WDFY4: variants seen among roughly 807,000 people sequenced by gnomAD.
The protein encoded by WDFY4 is WD repeat- and FYVE domain-containing protein 4.
In WDFY4, 169 loss-of-function variants were observed where a neutral mutation model predicts 351.9. That is an observed-to-expected ratio of 0.48 (90% confidence interval 0.42 to 0.55). The LOEUF is 0.55. Ranked by LOEUF, WDFY4 falls within the 20% of genes least tolerant of loss-of-function variation. The pLI is 0.00. For synonymous variants in WDFY4, 1,622 were observed against 1,574.6 expected (o/e 1.03, Z -0.71); for missense variants, 3,803 against 3,935.6 (o/e 0.97, Z 0.90).
At chr10:48,744,066 C>T (rs1047048729) in intron 12 of WDFY4, among the ~76,000 whole-genome samples, 1 of 152,204 alleles carries the variant, frequency 6.6e-6, no homozygotes, top group Non-Finnish European at 1.5e-5. Context: ...TCCTTACTTC[C>T]GCAGGCCAAA....
chr10:48,956,005 G>A (rs1841572284), intron 51 of WDFY4, among the ~76,000 whole-genome samples: 1 of 152,202 alleles, frequency 6.6e-6, no homozygotes, highest in African/African-American at 2.4e-5. Context: ...AACTTACTTA[G>A]ACCCAAGGCT....
chr10:48,972,131 C>T (rs1842364637), intron 57 of WDFY4, among the ~76,000 whole-genome samples: 1 of 152,172 alleles, frequency 6.6e-6, no homozygotes, highest in South Asian at 2.1e-4. Flanking sequence ...ATCCCACATG[C>T]TCTTATTTTC....
chr10:48,873,800 T>C (rs775040088), intron 41 of WDFY4, 103 bp downstream of exon 41: 9 of 1,298,396 alleles, frequency 6.9e-6, no homozygotes, highest in Non-Finnish European at 9.5e-6. Context: ...CAGGCTAAGA[T>C]AACACATGCA....
chr10:48,965,207 C>T (rs138775055), intron 54 of WDFY4, among the ~76,000 whole-genome samples: 1 of 152,350 alleles, frequency 6.6e-6, no homozygotes, highest in Non-Finnish European at 1.5e-5. Flanking sequence ...CCCTTGTCCA[C>T]AGCACAGATC....
intron 11 of WDFY4, among the ~76,000 whole-genome samples, chr10:48,738,563 G>A (rs1357199976): frequency 6.6e-6 from 1 of 152,172 alleles, no homozygotes; most frequent in African/African-American, 2.4e-5. Flanking sequence ...TGCTGCTCTA[G>A]GGGGCACTTG....
At chr10:48,693,019 G>A (rs2063236589) in intron 1 of WDFY4, among the ~76,000 whole-genome samples, 1 of 152,228 alleles carries the variant, frequency 6.6e-6, no homozygotes, top group African/African-American at 2.4e-5. Context: ...CCGTGGTGCT[G>A]AAGGGGGAGA....
intron 40 of WDFY4, among the ~76,000 whole-genome samples, chr10:48,868,135 G>A (rs530671973): frequency 6.6e-6 from 1 of 152,304 alleles, no homozygotes; most frequent in East Asian, 1.9e-4. Flanking sequence ...GGAAACAGAA[G>A]AGGCACTAAT....
Position 48,810,715 on chromosome 10 carries a change from A to T in WDFY4, c.5024A>T (p.Glu1675Val), listed in dbSNP as rs536358167. ...CAGSWVERSTEGVDIVMDNLK... is the reference protein window; with the variant it reads ...CAGSWVERSTVGVDIVMDNLK... ...GGATCCTGGGTGGAACGCAGCACTG[A>T]GGGCGTGGATATTGTAATGGGTGAG... Residue 1675 changes from glutamate to valine, a missense_variant, in exon 29 of 62, where the codon GAG (glutamate) becomes GTG (valine). Glu to Val is a moderately radical substitution (Grantham distance 121). Around this residue, in one of 3 missense-constraint regions of WDFY4, gnomAD observed 3,054 missense variants for 3,148.6 expected, o/e 0.97. Transcript: ENST00000325239. The T allele has an allele frequency of 5.2e-6, 8 of 1,545,026 alleles. No homozygotes were observed. The East Asian group carries it at 2.0e-4, about 38-fold the overall frequency.
At chr10:48,695,485 T>C (rs2063307738) in intron 1 of WDFY4, among the ~76,000 whole-genome samples, 1 of 152,264 alleles carries the variant, frequency 6.6e-6, no homozygotes, top group African/African-American at 2.4e-5. Flanking sequence ...GTCAGCTGTT[T>C]GATTTCAGAT....
intron 13 of WDFY4, among the ~76,000 whole-genome samples, chr10:48,765,656 T>C (rs2065644965): frequency 6.6e-6 from 1 of 152,352 alleles, no homozygotes; most frequent in Admixed American, 6.5e-5. Flanking sequence ...GAATCAATAT[T>C]GCTGCACTAG....
At chr10:48,849,496 A>G (rs2068887728) in intron 39 of WDFY4, among the ~76,000 whole-genome samples, 1 of 152,196 alleles carries the variant, frequency 6.6e-6, no homozygotes, top group African/African-American at 2.4e-5. Context: ...GGAGAATTAC[A>G]TTTAATACAA....
At chr10:48,908,529 G>A (rs1268239004) in intron 47 of WDFY4, among the ~76,000 whole-genome samples, 1 of 152,160 alleles carries the variant, frequency 6.6e-6, no homozygotes, top group African/African-American at 2.4e-5. Context: ...GGCTGACTCG[G>A]TGTTTTAGAT....
At chr10:48,686,451 C>T (rs1333087214) in intron 1 of WDFY4, among the ~76,000 whole-genome samples, 2 of 152,052 alleles carry the variant, frequency 1.3e-5, no homozygotes, top group African/African-American at 4.8e-5. Context: ...CTCTGAGGTC[C>T]TCTTCATGCC....
chr10:48,850,036 A>G (rs923704560), intron 39 of WDFY4, among the ~76,000 whole-genome samples: 2 of 152,224 alleles, frequency 1.3e-5, no homozygotes, highest in East Asian at 1.9e-4. Context: ...TGGAAGGACA[A>G]CCACAGAAGT....
At chr10:48,777,672 G>C (rs2066079041) in intron 17 of WDFY4, among the ~76,000 whole-genome samples, 177 bp downstream of exon 17, 1 of 152,178 alleles carries the variant, frequency 6.6e-6, no homozygotes, top group African/African-American at 2.4e-5. Context: ...ATTGTTTGAG[G>C]CCAGGAGTTC....
chr10:48,717,149 T>C (rs546705031), intron 2 of WDFY4, among the ~76,000 whole-genome samples: 1 of 152,340 alleles, frequency 6.6e-6, no homozygotes, highest in South Asian at 2.1e-4. Flanking sequence ...GTGGAGCTAA[T>C]GTATGGAAGT....
chr10:48,810,435 C>A (rs2067408050), intron 28 of WDFY4, 95 bp from the exon 29 acceptor site: 2 of 1,228,078 alleles, frequency 1.6e-6, no homozygotes, highest in African/African-American at 1.5e-5. Context: ...ACTTGCCTCT[C>A]CTTGGTGACT....
rs377715278 is a variant in WDFY4 at position 48,700,160 on chromosome 10, G to A, written c.-17-9556G>A. Among the ~76,000 whole-genome samples, 13 of 152,278 alleles carry A rather than the reference G, an allele frequency of 8.5e-5. No individual in the cohort carries two copies. In the East Asian group the frequency reaches 9.7e-4, roughly 11 times the overall value. On this transcript the variant is annotated intron_variant, in intron 1 of 61. Transcript: ENST00000325239. ...ACCCCAAGGCTGGCCATCAGCAGGC[G>A]AATCATCTCAAAGGGAGTCTCAGAG...
chr10:48,727,587 C>A lies in WDFY4; in HGVS notation c.899C>A (p.Pro300His), dbSNP rs1278207559. The A allele has an allele frequency of 6.4e-7, 1 of 1,551,992 alleles. No homozygotes were observed. Among genetic ancestry groups the A allele is most frequent in the Admixed American group, 2.0e-5 (1 of 51,008 alleles). ...LILGFVKDSY[P>H]VSSALFLEFE... ...TTGGGATTCGTGAAGGACTCCTACC[C>A]CGTCTCCTCGGCTCTGTTCCTGGAG... The change falls in exon 7 of 62, where the codon CCC becomes CAC. Residue 300 changes from proline to histidine, a missense_variant. Physicochemically the swap from Pro to His is moderately conservative, Grantham distance 77. Coordinates refer to ENST00000325239, the MANE Select transcript of WDFY4 (RefSeq NM_001394531.1).
Sources: gnomAD v4.1 joint callset for allele counts (sites outside exome capture counted in the v4.1 genomes callset) on GRCh38, gnomAD v4.1.1 for gene constraint, gnomAD v4.1.1 regional missense constraint, MANE v1.5 for transcripts, NCBI Gene and HGNC (gene_info 2026-07-23, HGNC 2026-07-21) for gene names.